The following NAALADL2 variants were observed in gnomAD, a reference collection of about 807,000 sequenced individuals.
NAALADL2 encodes N-acetylated alpha-linked acidic dipeptidase like 2.
A neutral mutation model predicts 87.2 loss-of-function variants in NAALADL2; 76 were observed. The ratio of observed to expected loss-of-function variants is 0.87; its 90% CI spans 0.72 to 1.05. The LOEUF is 1.05. NAALADL2 is among the 50% of genes least tolerant of loss of function. The pLI is 0.00. For synonymous variants in NAALADL2, 354 were observed against 331.0 expected (o/e 1.07, Z -0.75); for missense variants, 1,089 against 945.8 (o/e 1.15, Z -1.99).
Position 174,853,687 on chromosome 3 carries a change from T to TA in NAALADL2, c.-9+115950dup, listed in dbSNP as rs201386599. 1.3e-4 allele frequency among the ~76,000 whole-genome samples: 19 copies of TA among 151,150 alleles called. No homozygotes were observed. The South Asian group carries it at 1.9e-3, about 15-fold the overall frequency. ...AAGAGCTCTAACAACTGAATAGCAA[T>TA]AAAAAAAAATCTGATTTTAAAATGG... On this transcript the variant is annotated intron_variant, in intron 3 of 3. Transcript: ENST00000434257.
chr3:175,707,526 T>C (rs936363165), intron 11 of NAALADL2, among the ~76,000 whole-genome samples: 3 of 152,090 alleles, frequency 2.0e-5, no homozygotes, highest in Non-Finnish European at 4.4e-5. Flanking sequence ...CTCATCCATA[T>C]TGCATAGATA....
chr3:175,008,154 G>A (rs894916459), intron 1 of NAALADL2, among the ~76,000 whole-genome samples: 2 of 152,060 alleles, frequency 1.3e-5, no homozygotes, highest in Non-Finnish European at 1.5e-5. Flanking sequence ...GAGGTGAGAG[G>A]ATCAATTAAG....
intron 5 of NAALADL2, among the ~76,000 whole-genome samples, chr3:175,424,943 A>C (rs760048952): frequency 2.0e-5 from 3 of 152,140 alleles, no homozygotes; most frequent in African/African-American, 4.8e-5. Flanking sequence ...TGGAATTTGG[A>C]GACTCTTACG....
chr3:174,965,542 A>G (rs1464093609), intron 1 of NAALADL2, among the ~76,000 whole-genome samples: 1 of 152,144 alleles, frequency 6.6e-6, no homozygotes, highest in Non-Finnish European at 1.5e-5. Flanking sequence ...TTTTTTTGAT[A>G]AGGGTAGCAG....
intron 2 of NAALADL2, among the ~76,000 whole-genome samples, chr3:175,225,085 G>T (rs912895920): frequency 6.6e-6 from 1 of 152,100 alleles, no homozygotes; most frequent in Non-Finnish European, 1.5e-5. Flanking sequence ...TAACATGTAA[G>T]TTCTTACTAG....
intron 2 of NAALADL2, among the ~76,000 whole-genome samples, chr3:175,124,976 A>C (rs1726724565): frequency 6.6e-6 from 1 of 151,862 alleles, no homozygotes; most frequent in South Asian, 2.1e-4. Flanking sequence ...CAGTTTTCAA[A>C]CATGGGTGAA....
intron 2 of NAALADL2, among the ~76,000 whole-genome samples, chr3:175,200,611 A>G (rs1390289492): frequency 6.6e-6 from 1 of 152,156 alleles, no homozygotes; most frequent in African/African-American, 2.4e-5. Flanking sequence ...CCAGAATGCT[A>G]GTGTTAAACC....
At chr3:175,167,039 C>G (rs1204418732) in intron 2 of NAALADL2, among the ~76,000 whole-genome samples, 1 of 152,020 alleles carries the variant, frequency 6.6e-6, no homozygotes, top group Non-Finnish European at 1.5e-5. Context: ...CATTTAAGTT[C>G]TTTCTAGTGC....
rs550882641 is a variant in NAALADL2 at position 174,655,611 on chromosome 3, C to T, written c.-114-82030C>T. The stretch of plus-strand genomic sequence containing the variant: ...AGTGTTAGCTGTTATGTTTTAATAT[C>T]CCTTTGAATATTTTTACCAAATTAA... On this transcript the variant is annotated intron_variant, in intron 2 of 3. Transcript: ENST00000434257. 1.5e-4 allele frequency among the ~76,000 whole-genome samples: 23 copies of T among 150,986 alleles called. No homozygotes were observed. In the East Asian group the frequency reaches 4.2e-3, roughly 28 times the overall value.
intron 4 of NAALADL2, among the ~76,000 whole-genome samples, chr3:175,270,754 A>G (rs932426145): frequency 2.0e-5 from 3 of 152,156 alleles, no homozygotes. Context: ...TAATGACTTG[A>G]TGGATGCATA....
At chr3:175,148,092 A>ATAG (rs1731022906) in intron 2 of NAALADL2, among the ~76,000 whole-genome samples, 1 of 98,230 alleles carries the variant, frequency 1.0e-5, no homozygotes, top group African/African-American at 5.5e-5. Context: ...AATGATAATG[A>ATAG]TAATAATAAT....
intron 4 of NAALADL2, among the ~76,000 whole-genome samples, chr3:175,321,691 T>A (rs1196289650): frequency 4.9e-5 from 6 of 121,422 alleles, no homozygotes; most frequent in East Asian, 2.3e-4. Flanking sequence ...TATACACCAA[T>A]AACAGACAAA....
rs3066298 is a variant in NAALADL2, at chr3:175,243,531, CTTTTTTTTTTTT to C, written c.819+9343_819+9354del. Among the ~76,000 whole-genome samples, 20 of 85,592 alleles carry C rather than the reference CTTTTTTTTTTTT, an allele frequency of 2.3e-4. 1 individual carries two copies. Among genetic ancestry groups the C allele is most frequent in the Middle Eastern group, 8.6e-3 (1 of 116 alleles). The allele number at this position is 85,592 out of a possible 152,430, so 56.2% of individuals were successfully genotyped here. ...AATTTGCAAATGCTACACATCAGGA[CTTTTTTTTTTTT>C]TTTTTTTTTTTTTTTAACCCAAGAA... On this transcript the variant is annotated intron_variant, in intron 3 of 13. Transcript: ENST00000454872.
intron 2 of NAALADL2, among the ~76,000 whole-genome samples, chr3:174,654,853 A>G (rs1249983650): frequency 6.6e-6 from 1 of 152,088 alleles, no homozygotes; most frequent in African/African-American, 2.4e-5. Flanking sequence ...CTCCTGCCTC[A>G]GCCTCCTGAG....
chr3:175,337,678 T>A (rs1762130667), intron 5 of NAALADL2, among the ~76,000 whole-genome samples: 1 of 152,208 alleles, frequency 6.6e-6, no homozygotes, highest in African/African-American at 2.4e-5. Context: ...CTCAGTATTG[T>A]TCTGTTATGG....
intron 1 of NAALADL2, among the ~76,000 whole-genome samples, chr3:175,011,432 A>G (rs1749810747): frequency 6.6e-6 from 1 of 152,198 alleles, no homozygotes; most frequent in Non-Finnish European, 1.5e-5. Context: ...TCAGAGTCTC[A>G]GCAACTTTCT....
intron 6 of NAALADL2, among the ~76,000 whole-genome samples, chr3:175,451,823 A>G (rs996945897): frequency 2.0e-5 from 3 of 152,028 alleles, no homozygotes; most frequent in Admixed American, 6.6e-5. Context: ...CTTATTTACA[A>G]TTCTATATTT....
chr3:175,504,136 A>G (rs1729939035), intron 9 of NAALADL2, among the ~76,000 whole-genome samples: 1 of 152,208 alleles, frequency 6.6e-6, no homozygotes, highest in Admixed American at 6.5e-5. Context: ...AATCTTCTAC[A>G]TATGGCTAGC....
chr3:174,831,149 A>G (rs1436358699), intron 3 of NAALADL2, among the ~76,000 whole-genome samples: 1 of 152,012 alleles, frequency 6.6e-6, no homozygotes, highest in Non-Finnish European at 1.5e-5. Context: ...ACTATGTTGA[A>G]TAGGAGTGGT....
Sources: gnomAD v4.1 joint callset for allele counts (sites outside exome capture counted in the v4.1 genomes callset) on GRCh38, gnomAD v4.1.1 for gene constraint, MANE v1.5 for transcripts, NCBI Gene and HGNC (gene_info 2026-07-23, HGNC 2026-07-21) for gene names.